CCDC158: variants seen among roughly 807,000 people sequenced by gnomAD.
The protein encoded by CCDC158 is coiled-coil domain containing 158.
A neutral mutation model predicts 138.6 loss-of-function variants in CCDC158; 116 were observed. The observed-to-expected ratio is 0.84, with a 90% CI of 0.72 to 0.98. The LOEUF is 0.98. CCDC158 is among the 50% of genes least tolerant of loss of function. The pLI, the probability that CCDC158 is intolerant of heterozygous loss-of-function variation, is 0.00. For synonymous variants in CCDC158, 436 were observed against 442.4 expected (o/e 0.99, Z 0.18); for missense variants, 1,265 against 1,306.1 (o/e 0.97, Z 0.48).
intron 16 of CCDC158, 190 bp from the exon 17 acceptor site, chr4:76,352,002 C>G: frequency 2.1e-6 from 1 of 485,230 alleles, no homozygotes; most frequent in Non-Finnish European, 3.6e-6. Context: ...TTTTTATCCT[C>G]TATACCCCCA....
chr4:76,379,883 TC>T (rs1726070642), intron 8 of CCDC158, among the ~76,000 whole-genome samples: 2 of 151,908 alleles, frequency 1.3e-5, no homozygotes, highest in South Asian at 4.2e-4. Flanking sequence ...GGGGCAGATT[TC>T]CCCCATACTG....
At chr4:76,377,220 C>T (rs1725801031) in intron 9 of CCDC158, among the ~76,000 whole-genome samples, 1 of 152,100 alleles carries the variant, frequency 6.6e-6, no homozygotes, top group Non-Finnish European at 1.5e-5. Context: ...ATAATTTTTC[C>T]AAACAACAGT....
intron 3 of CCDC158, chr4:76,401,295 G>T: frequency 4.1e-6 from 2 of 486,088 alleles, no homozygotes; most frequent in Non-Finnish European, 8.2e-6. Context: ...TATAAAAAGT[G>T]TGGCAAGCAC....
At chr4:76,353,592 G>T (rs545704935) in intron 15 of CCDC158, among the ~76,000 whole-genome samples, 1 of 151,988 alleles carries the variant, frequency 6.6e-6, no homozygotes, top group Non-Finnish European at 1.5e-5. Context: ...TCAAATAATC[G>T]TATATCAAAT....
intron 24 of CCDC158, among the ~76,000 whole-genome samples, chr4:76,321,540 A>G (rs2110074830): frequency 6.7e-6 from 1 of 149,852 alleles, no homozygotes; most frequent in Middle Eastern, 3.5e-3. Flanking sequence ...AAAGAAAATT[A>G]TATCGATCTA....
At chr4:76,354,781 C>T (rs533612270) in intron 15 of CCDC158, among the ~76,000 whole-genome samples, 62 of 152,310 alleles carry the variant, frequency 4.1e-4, no homozygotes, top group African/African-American at 1.5e-3. Flanking sequence ...AACTCTCCTC[C>T]TACTCCTCCA....
At chr4:76,323,872 T>G (rs1364184138) in intron 23 of CCDC158, among the ~76,000 whole-genome samples, 1 of 152,202 alleles carries the variant, frequency 6.6e-6, no homozygotes, top group Non-Finnish European at 1.5e-5. Flanking sequence ...GTGAATGGTA[T>G]TGTATGATGG....
chr4:76,375,418 G>C (rs1725623235), intron 9 of CCDC158: 1 of 494,332 alleles, frequency 2.0e-6, no homozygotes, highest in South Asian at 3.6e-5. Flanking sequence ...GGAATAATAA[G>C]GGATGCTACA....
At chr4:76,380,484 G>T (rs10776488) in intron 8 of CCDC158, among the ~76,000 whole-genome samples, 82,638 of 152,188 alleles carry the variant, frequency 0.54, 23,553 homozygotes, top group South Asian at 0.81. Context: ...TCAGGGTGTC[G>T]GGCAGAAGAA....
intron 15 of CCDC158, among the ~76,000 whole-genome samples, chr4:76,353,745 A>G (rs1234638746): frequency 6.6e-6 from 1 of 152,204 alleles, no homozygotes; most frequent in Non-Finnish European, 1.5e-5. Context: ...CAAATGGGAC[A>G]TATAGTTCCT....
chr4:76,417,135 T>C (rs548180943), intron 1 of CCDC158, among the ~76,000 whole-genome samples: 5 of 152,296 alleles, frequency 3.3e-5, no homozygotes, highest in South Asian at 2.1e-4. Flanking sequence ...ATGTGAGACA[T>C]GGAGTCAAAG....
intron 4 of CCDC158, among the ~76,000 whole-genome samples, chr4:76,392,684 G>C (rs1224573927): frequency 6.6e-6 from 1 of 151,934 alleles, no homozygotes; most frequent in Non-Finnish European, 1.5e-5. Flanking sequence ...AATTGGAATG[G>C]AAGAAGTCAA....
intron 4 of CCDC158, among the ~76,000 whole-genome samples, chr4:76,386,898 G>A (rs530665807): frequency 1.3e-5 from 2 of 152,166 alleles, no homozygotes; most frequent in Admixed American, 6.5e-5. Context: ...GAGGGGAATG[G>A]TCCATTTCAG....
chr4:76,385,622 G>A (rs901250876), intron 4 of CCDC158, among the ~76,000 whole-genome samples: 3 of 152,180 alleles, frequency 2.0e-5, no homozygotes, highest in Admixed American at 2.0e-4. Flanking sequence ...AAGAGATGTA[G>A]AGATTTAACC....
rs143295522 is a variant in CCDC158, at chr4:76,377,486, G to A, written c.1029+1804C>T. ...GTGCCTACCTCCACTAGACCCAAGT[G>A]AAAAAGCACCCTCCCACCTCATGGT... On this transcript the variant is annotated intron_variant, in intron 9 of 24. Transcript: ENST00000682701. Among the ~76,000 whole-genome samples the A allele has an allele frequency of 1.9e-3, 282 of 152,216 alleles. 6 individuals are homozygous for A. In the East Asian group the frequency reaches 0.038, roughly 21 times the overall value.
Position 76,375,710 on chromosome 4 carries a change from G to A in CCDC158, c.1029+3580C>T, listed in dbSNP as rs7685301. On this transcript the variant is annotated intron_variant, in intron 9 of 24. Coordinates refer to ENST00000682701, the MANE Select transcript of CCDC158 (RefSeq NM_001394954.1). Reference sequence around the variant, plus strand: ...GGGGAATTCTGGAGGTTCTCCTAAAGTGGAAAGAGAAGAATAGAAAACAGC... The same window carrying A: ...GGGGAATTCTGGAGGTTCTCCTAAAATGGAAAGAGAAGAATAGAAAACAGC... 6,295 of 685,622 alleles carry A rather than the reference G, an allele frequency of 9.2e-3. 282 individuals are homozygous for A. The African/African-American group carries it at 0.098, about 11-fold the overall frequency. 42.5% of individuals were successfully genotyped at this position (685,622 alleles called of 1,614,324 possible).
At chr4:76,363,386 T>C (rs1392447576) in intron 12 of CCDC158, among the ~76,000 whole-genome samples, 1 of 152,192 alleles carries the variant, frequency 6.6e-6, no homozygotes, top group East Asian at 1.9e-4. Flanking sequence ...CGTGTGCCTT[T>C]TCCTTTTGCT....
chr4:76,366,507 G>C lies in CCDC158; in HGVS notation c.1830+787C>G, dbSNP rs115166275. 3.7e-3 allele frequency among the ~76,000 whole-genome samples: 561 copies of C among 151,870 alleles called. 3 individuals are homozygous for C. Among genetic ancestry groups the C allele is most frequent in the African/African-American group, 0.013 (534 of 41,396 alleles). On this transcript the variant is annotated intron_variant, in intron 12 of 24. Coordinates refer to ENST00000682701, the MANE Select transcript of CCDC158 (RefSeq NM_001394954.1). The stretch of plus-strand genomic sequence containing the variant: ...TGTTAAATTTTGATAAGTATTTATC[G>C]AGCACCTTCTGGGTGCAAGGCACAA...
intron 11 of CCDC158, 81 bp downstream of exon 11, chr4:76,369,345 A>C (rs757189637): frequency 7.3e-7 from 1 of 1,362,354 alleles, no homozygotes; most frequent in Non-Finnish European, 9.8e-7. Flanking sequence ...TGTTAAAAAT[A>C]AAAAGCTCTA....
Sources: allele counts gnomAD v4.1 joint callset (sites outside exome capture counted in the v4.1 genomes callset), GRCh38; gene constraint gnomAD v4.1.1; transcripts MANE v1.5; gene names NCBI Gene and HGNC (gene_info 2026-07-23, HGNC 2026-07-21).